The following SPPL2A variants were observed in gnomAD, a reference collection of about 807,000 sequenced individuals.
The protein encoded by SPPL2A is signal peptide peptidase-like 2A.
In SPPL2A, 51 loss-of-function variants were observed where a neutral mutation model predicts 63.8. That is an observed-to-expected ratio of 0.80 (90% CI 0.64 to 1.01). The LOEUF is 1.01. Among genes scored for constraint, SPPL2A ranks in the 50% least tolerant of loss-of-function variants. The pLI is 0.00. For synonymous variants in SPPL2A, 188 were observed against 205.8 expected (o/e 0.91, Z 0.74); for missense variants, 553 against 622.7 (o/e 0.89, Z 1.19).
intron 1 of SPPL2A, among the ~76,000 whole-genome samples, chr15:50,755,103 A>T (rs2062944667): frequency 6.6e-6 from 1 of 151,450 alleles, no homozygotes; most frequent in Non-Finnish European, 1.5e-5. Context: ...GAGGATCACG[A>T]GGTCAGGAGA....
At chr15:50,765,189 G>A (rs978740749) in intron 1 of SPPL2A, among the ~76,000 whole-genome samples, 1 of 152,082 alleles carries the variant, frequency 6.6e-6, no homozygotes, top group Admixed American at 6.5e-5. Flanking sequence ...CAACCTAAGG[G>A]GCTCCTCTGA....
chr15:50,737,819 C>T (rs184906995), intron 6 of SPPL2A, among the ~76,000 whole-genome samples: 39 of 152,154 alleles, frequency 2.6e-4, no homozygotes, highest in African/African-American at 9.4e-4. Context: ...CACCTGTAAT[C>T]CCAACACTAT....
At chr15:50,761,070 C>T (rs184139555) in intron 1 of SPPL2A, among the ~76,000 whole-genome samples, 2 of 151,884 alleles carry the variant, frequency 1.3e-5, no homozygotes, top group Non-Finnish European at 2.9e-5. Context: ...AGTACAGTGG[C>T]GTGATCATAG....
chr15:50,738,875 T>C (rs2062795713), intron 6 of SPPL2A, among the ~76,000 whole-genome samples: 2 of 152,144 alleles, frequency 1.3e-5, no homozygotes, highest in African/African-American at 4.8e-5. Context: ...TACCTGTGTG[T>C]CTTCAGATAT....
intron 8 of SPPL2A, among the ~76,000 whole-genome samples, chr15:50,733,439 T>C (rs1168246807): frequency 6.6e-6 from 1 of 152,184 alleles, no homozygotes; most frequent in Non-Finnish European, 1.5e-5. Context: ...CCCCTCTTTC[T>C]TGCATAAAAG....
rs2062485229 is a variant in SPPL2A, at chr15:50,702,785, T to C, written c.*5015A>G. 6.6e-6 allele frequency: 1 copy of C among 152,206 alleles called. No individual in the cohort carries two copies. Among genetic ancestry groups the C allele is most frequent in the Non-Finnish European group, 1.5e-5 (1 of 68,038 alleles). The allele number at this position is 152,206 out of a possible 1,614,324, so 9.4% of individuals were successfully genotyped here. A position where few individuals can be genotyped will look rare whatever the true frequency, so the allele number is the denominator to read the frequency against. ...TACTATAAAAATTTAGTTTTAAAAA[T>C]AATTTTTCTCCCAATGAACATTTTT... On this transcript the variant is annotated 3_prime_UTR_variant, in exon 15 of 15. Coordinates refer to ENST00000261854, the MANE Select transcript of SPPL2A (RefSeq NM_032802.4).
At chr15:50,757,089 C>CTTTTTTTTTT (rs57100103) in intron 1 of SPPL2A, among the ~76,000 whole-genome samples, 4 of 128,376 alleles carry the variant, frequency 3.1e-5, no homozygotes, top group African/African-American at 9.2e-5. Context: ...TAAATCCTTT[C>CTTTTTTTTTT]TTTTTTTTTT....
At position 50,704,363 on chromosome 15, in the gene SPPL2A, A is replaced by G. The variant is rs2141012315; in HGVS notation, c.*3437T>C. Reference sequence around the variant, plus strand: ...GTCTCAAAAAAAAAAAAAAAAAAAAATCTACAAGCTAGAAGAAAATATAAT... The same window carrying G: ...GTCTCAAAAAAAAAAAAAAAAAAAAGTCTACAAGCTAGAAGAAAATATAAT... On this transcript the variant is annotated 3_prime_UTR_variant, in exon 15 of 15. Transcript: ENST00000261854. The G allele has an allele frequency of 6.6e-6, 1 of 151,218 alleles. No individual in the cohort carries two copies. Among genetic ancestry groups the G allele is most frequent in the East Asian group, 1.9e-4 (1 of 5,148 alleles). The allele number at this position is 151,218 out of a possible 1,614,324, so 9.4% of individuals were successfully genotyped here. A position where few individuals can be genotyped will look rare whatever the true frequency, so the allele number is the denominator to read the frequency against.
rs1196710672 is a variant in SPPL2A at position 50,703,356 on chromosome 15, A to ATATATATTT, written c.*4443_*4444insAAATATATA. 1 of 62,042 alleles carries ATATATATTT rather than the reference A, an allele frequency of 1.6e-5. No individual in the cohort carries two copies. The highest frequency in any genetic ancestry group is 7.0e-5 in the African/African-American group (1 of 14,228). 3.8% of individuals were successfully genotyped at this position (62,042 alleles called of 1,614,324 possible). A position where few individuals can be genotyped will look rare whatever the true frequency, so the allele number is the denominator to read the frequency against. ...TATATATATATATATACATATATAT[A>ATATATATTT]TTTTTTTTTTTTTTTTTTTTTTTTG... On this transcript the variant is annotated 3_prime_UTR_variant, in exon 15 of 15. Coordinates refer to ENST00000261854, the MANE Select transcript of SPPL2A (RefSeq NM_032802.4).
chr15:50,719,464 C>T (rs571671734), intron 14 of SPPL2A, among the ~76,000 whole-genome samples: 4 of 152,134 alleles, frequency 2.6e-5, no homozygotes, highest in Non-Finnish European at 5.9e-5. Context: ...AGGCTGGTCT[C>T]GAACTCCTGT....
chr15:50,758,189 T>C (rs1330545153), intron 1 of SPPL2A, among the ~76,000 whole-genome samples: 2 of 147,986 alleles, frequency 1.4e-5, no homozygotes, highest in Non-Finnish European at 1.5e-5. Context: ...CTCAGGAGGC[T>C]GAGGCAGGAG....
rs1337218330 is a variant in SPPL2A at position 50,702,638 on chromosome 15, A to G, written c.*5162T>C. 1 of 152,242 alleles carries G rather than the reference A, an allele frequency of 6.6e-6. No individual in the cohort carries two copies. The highest frequency in any genetic ancestry group is 1.5e-5 in the Non-Finnish European group (1 of 68,038). 9.4% of individuals were successfully genotyped at this position (152,242 alleles called of 1,614,324 possible). On this transcript the variant is annotated 3_prime_UTR_variant, in exon 15 of 15. Transcript: ENST00000261854. The stretch of plus-strand genomic sequence containing the variant: ...AGAAAATGTTGCAGGTTAACTTTAG[A>G]CATTAAAAAGATTCATATTCCAAAG...
At chr15:50,730,409 C>G (rs2062720988) in intron 10 of SPPL2A, among the ~76,000 whole-genome samples, 1 of 152,148 alleles carries the variant, frequency 6.6e-6, no homozygotes, top group Non-Finnish European at 1.5e-5. Context: ...CCTACAAACA[C>G]AGCCTAGATA....
intron 10 of SPPL2A, among the ~76,000 whole-genome samples, chr15:50,727,779 T>G (rs114026860): frequency 0.017 from 2,578 of 152,332 alleles, 29 homozygotes; most frequent in African/African-American, 0.03. Flanking sequence ...AGCAATCTGA[T>G]TTTTGAGTTA....
intron 1 of SPPL2A, among the ~76,000 whole-genome samples, chr15:50,760,140 T>C (rs915801818): frequency 6.6e-6 from 1 of 152,242 alleles, no homozygotes; most frequent in Non-Finnish European, 1.5e-5. Context: ...TTTCTCACAG[T>C]TCTGGATCAG....
At chr15:50,715,255 C>G (rs1184253460) in intron 14 of SPPL2A, among the ~76,000 whole-genome samples, 1 of 152,090 alleles carries the variant, frequency 6.6e-6, no homozygotes, top group African/African-American at 2.4e-5. Context: ...GCCTTGGCCT[C>G]TCAATGTGCT....
rs1259932204 is a variant in SPPL2A, at chr15:50,748,876, A to C, written c.178-6T>G. 6.4e-7 allele frequency: 1 copy of C among 1,551,936 alleles called. No individual in the cohort carries two copies. The highest frequency in any genetic ancestry group is 8.7e-7 in the Non-Finnish European group (1 of 1,149,236). On this transcript the variant is annotated splice_region_variant and splice_polypyrimidine_tract_variant and intron_variant, in intron 2 of 14. Coordinates refer to ENST00000261854, the MANE Select transcript of SPPL2A (RefSeq NM_032802.4). ...TTCATCAAACTAATGGAAGTCTGAA[A>C]ATAAGAAATGTCTTTTTAACATGTT...
intron 14 of SPPL2A, among the ~76,000 whole-genome samples, chr15:50,708,310 A>T (rs1055891353): frequency 2.6e-5 from 4 of 152,204 alleles, no homozygotes; most frequent in Admixed American, 6.6e-5. Flanking sequence ...GATATTATTG[A>T]CACCTTGAAA....
chr15:50,759,470 G>A (rs564885622), intron 1 of SPPL2A, among the ~76,000 whole-genome samples: 8 of 152,152 alleles, frequency 5.3e-5, no homozygotes, highest in African/African-American at 9.6e-5. Flanking sequence ...AAGGCCAGGC[G>A]CAGTGGCTCA....
Sources: gnomAD v4.1 joint callset for allele counts (sites outside exome capture counted in the v4.1 genomes callset) on GRCh38, gnomAD v4.1.1 for gene constraint, MANE v1.5 for transcripts, NCBI Gene and HGNC (gene_info 2026-07-23, HGNC 2026-07-21) for gene names.